Variants in COL6A5 observed in about 807,000 individuals in gnomAD.
The protein encoded by COL6A5 is collagen type VI alpha 5 chain.
Under a neutral mutation model 65.6 loss-of-function variants are expected in COL6A5, and 48 were observed. The ratio of observed to expected loss-of-function variants is 0.73; its 90% CI spans 0.58 to 0.93. COL6A5 has a LOEUF of 0.93. Ranked by LOEUF, COL6A5 falls within the 40% of genes least tolerant of loss-of-function variation. The pLI, the probability that COL6A5 is intolerant of heterozygous loss-of-function variation, is 0.00. For synonymous variants in COL6A5, 291 were observed against 322.8 expected (o/e 0.90, Z 1.05); for missense variants, 914 against 928.3 (o/e 0.98, Z 0.20).
chr3:130,438,370 T>A (rs1473011199), intron 1 of COL6A5, among the ~76,000 whole-genome samples: 1 of 152,170 alleles, frequency 6.6e-6, no homozygotes, highest in African/African-American at 2.4e-5. Flanking sequence ...ATTGTAGGCA[T>A]TCAATAAATA....
rs557317969 is a variant in COL6A5 at position 130,437,302 on chromosome 3, G to A, written c.488-2220G>A. Among the ~76,000 whole-genome samples, 16 of 152,030 alleles carry A rather than the reference G, an allele frequency of 1.1e-4. No individual in the cohort carries two copies. In the East Asian group the frequency reaches 3.1e-3, roughly 29 times the overall value. On this transcript the variant is annotated intron_variant, in intron 1 of 7. Coordinates refer to ENST00000512836, the Ensembl canonical transcript of COL6A5. ...CATTTAAGTACTAGTATTAAGTATT[G>A]ATATAAGTACTAATCTTGGTATTAT...
At chr3:130,443,963 C>T (rs1470064297) in intron 4 of COL6A5, among the ~76,000 whole-genome samples, 1 of 152,112 alleles carries the variant, frequency 6.6e-6, no homozygotes, top group East Asian at 1.9e-4. Flanking sequence ...TTGCTCCATT[C>T]GGTGAAACCC....
At chr3:130,413,941 G>T (rs1392264471) in intron 21 of COL6A5, 128 bp from the exon 22 acceptor site, 1 of 705,528 alleles carries the variant, frequency 1.4e-6, no homozygotes, top group Non-Finnish European at 2.4e-6. Context: ...TAAAATCCTA[G>T]GCCAAGTAGA....
At chr3:130,484,039 T>C in exon 8 of COL6A5, 1 of 1,608,824 alleles carries the variant, frequency 6.2e-7, no homozygotes, top group Non-Finnish European at 8.5e-7. Flanking sequence ...TTGCAGATGG[T>C]GAAGATACAA....
intron 29 of COL6A5, among the ~76,000 whole-genome samples, chr3:130,425,629 T>G (rs1384302105): frequency 6.6e-6 from 1 of 152,204 alleles, no homozygotes; most frequent in African/African-American, 2.4e-5. Flanking sequence ...TTTGTTTTGC[T>G]TTGCTCCATA....
chr3:130,474,911 G>A (rs1338980842), intron 7 of COL6A5, among the ~76,000 whole-genome samples: 1 of 150,098 alleles, frequency 6.7e-6, no homozygotes, highest in Middle Eastern at 3.2e-3. Context: ...GGTGACTGAG[G>A]TGGAATAATT....
intron 12 of COL6A5, among the ~76,000 whole-genome samples, chr3:130,403,325 A>G (rs1203962481): frequency 6.6e-6 from 1 of 152,178 alleles, no homozygotes; most frequent in Admixed American, 6.5e-5. Context: ...CAAATCGCTC[A>G]GGTGCAGGTG....
intron 1 of COL6A5, among the ~76,000 whole-genome samples, chr3:130,435,442 T>C (rs2107698149): frequency 6.6e-6 from 1 of 152,338 alleles, no homozygotes; most frequent in East Asian, 1.9e-4. Flanking sequence ...TGATTCCATA[T>C]GAAATTCAAA....
At chr3:130,435,253 T>C (rs1453215004) in intron 1 of COL6A5, among the ~76,000 whole-genome samples, 4 of 152,204 alleles carry the variant, frequency 2.6e-5, no homozygotes, top group Non-Finnish European at 5.9e-5. Flanking sequence ...TTGTTCTAGA[T>C]GTGTGGTGTC....
At chr3:130,373,837 TCAAA>T in intron 2 of COL6A5, 132 bp downstream of exon 2, 1 of 630,998 alleles carries the variant, frequency 1.6e-6, no homozygotes, top group East Asian at 2.9e-5. Context: ...TTATACAACA[TCAAA>T]CAAACTTAAC....
intron 2 of COL6A5, among the ~76,000 whole-genome samples, chr3:130,374,569 T>C: frequency 6.6e-6 from 1 of 152,140 alleles, no homozygotes; most frequent in East Asian, 1.9e-4. Context: ...TCCTTCTGCC[T>C]CAGCCTCCCA....
intron 1 of COL6A5, among the ~76,000 whole-genome samples, chr3:130,362,321 TA>T: frequency 3.6e-4 from 1 of 2,772 alleles, no homozygotes; most frequent in African/African-American, 9.3e-4. Context: ...TATATATATA[TA>T]TATATTTTTT....
chr3:130,401,862 T>G lies in COL6A5; in HGVS notation c.4227+8T>G. ...GGACTACAAGCCATGAAGGTGCCAC[T>G]CACCTGTGATACTATTTTATCTAAT... On this transcript the variant is annotated splice_region_variant and intron_variant and NMD_transcript_variant, in intron 12 of 41. Transcript: ENST00000312481. The G allele has an allele frequency of 6.5e-7, 1 of 1,541,390 alleles. No individual in the cohort carries two copies.
chr3:130,386,761 A>T (rs1188876376), intron 5 of COL6A5, among the ~76,000 whole-genome samples: 1 of 152,010 alleles, frequency 6.6e-6, no homozygotes, highest in Non-Finnish European at 1.5e-5. Flanking sequence ...AGGTAGTTGC[A>T]GTTGAAGTAG....
intron 5 of COL6A5, among the ~76,000 whole-genome samples, chr3:130,457,265 A>T (rs952362166): frequency 1.3e-5 from 2 of 152,080 alleles, no homozygotes; most frequent in Admixed American, 1.3e-4. Context: ...TAGAGTATCA[A>T]ATTGTCATTT....
intron 1 of COL6A5, among the ~76,000 whole-genome samples, chr3:130,347,917 C>T (rs554507243): frequency 8.5e-5 from 13 of 152,066 alleles, no homozygotes; most frequent in African/African-American, 2.4e-4. Flanking sequence ...TAAGATAAAA[C>T]GAGATGCATG....
At position 130,456,154 on chromosome 3, in the gene COL6A5, A is replaced by G. The variant is rs578227032; in HGVS notation, c.1544+488A>G. Among the ~76,000 whole-genome samples, 8 of 152,276 alleles carry G rather than the reference A, an allele frequency of 5.3e-5. No individual in the cohort carries two copies. In the South Asian group the frequency reaches 1.7e-3, roughly 32 times the overall value. On this transcript the variant is annotated intron_variant, in intron 5 of 7. Coordinates refer to ENST00000512836, the Ensembl canonical transcript of COL6A5. ...TCTGGCCAGTGTTCCAGAATTTGTG[A>G]TAATATAAGAAAGTATGTTTTATTT... is the stretch of plus-strand genomic sequence containing the variant.
At chr3:130,455,340 C>T (rs1709546026) in intron 4 of COL6A5, 115 bp from the exon 37 acceptor site, 1 of 620,758 alleles carries the variant, frequency 1.6e-6, no homozygotes, top group Non-Finnish European at 2.9e-6. Context: ...TTTATATTTT[C>T]ACCACCCAAT....
Position 130,376,880 on chromosome 3 carries a change from G to T in COL6A5, c.667+44G>T, listed in dbSNP as rs577358826. On this transcript the variant is annotated intron_variant and NMD_transcript_variant, in intron 3 of 41. Transcript: ENST00000312481. ...GAAGAGGTGCCTGATCCCCAGGTGG[G>T]TCTACATCTGTCCACTCTCACCTCT... The T allele has an allele frequency of 2.6e-6, 4 of 1,529,728 alleles. No homozygotes were observed. In the African/African-American group the frequency reaches 5.5e-5, roughly 21 times the overall value. 94.8% of individuals were successfully genotyped at this position (1,529,728 alleles called of 1,614,324 possible).
Sources: gnomAD v4.1 joint callset for allele counts (sites outside exome capture counted in the v4.1 genomes callset) on GRCh38, gnomAD v4.1.1 for gene constraint, MANE v1.5 for transcripts, NCBI Gene and HGNC (gene_info 2026-07-23, HGNC 2026-07-21) for gene names.